MAGI2: variants seen among roughly 807,000 people sequenced by gnomAD.
The protein encoded by MAGI2 is membrane-associated guanylate kinase, WW and PDZ domain-containing protein 2.
Under a neutral mutation model 133.3 loss-of-function variants are expected in MAGI2, and 35 were observed. That is an observed-to-expected ratio of 0.26 (90% CI 0.20 to 0.35). The LOEUF (loss-of-function observed/expected upper bound fraction) is 0.35, where lower values mean the gene tolerates loss of function less well. Among genes scored for constraint, MAGI2 ranks in the 10% least tolerant of loss-of-function variants. The probability of loss-of-function intolerance (pLI) is 1.00; values close to 1 mark genes in which losing one functional copy is unlikely to be tolerated. For missense variants in MAGI2, 1,636 were observed against 1,863.4 expected (o/e 0.88, Z 2.25); for synonymous variants, 729 against 710.6 (o/e 1.03, Z -0.41).
intron 3 of MAGI2, among the ~76,000 whole-genome samples, chr7:78,563,203 G>A (rs890801926): frequency 1.3e-5 from 2 of 152,062 alleles, no homozygotes; most frequent in Admixed American, 6.5e-5. Context: ...CAAGATGACA[G>A]GGCACAACTG....
In MAGI2 at chr7:79,269,356, A is replaced by G. The variant is rs187239966; in HGVS notation, c.301+183664T>C. On this transcript the variant is annotated intron_variant, in intron 1 of 21. Coordinates refer to ENST00000354212, the MANE Select transcript of MAGI2 (RefSeq NM_012301.4). ...GAGTCTCATATAGCTGCTTATTTCT[A>G]TCATTTTGATGAAATATGGGTTGCT... Among the ~76,000 whole-genome samples the G allele has an allele frequency of 2.1e-3, 318 of 152,300 alleles. 1 individual carries two copies. The highest frequency in any genetic ancestry group is 2.7e-3 in the Non-Finnish European group (185 of 68,016).
chr7:78,672,322 CATCTT>C (rs1271199186), intron 2 of MAGI2, among the ~76,000 whole-genome samples: 1 of 152,142 alleles, frequency 6.6e-6, no homozygotes, highest in Non-Finnish European at 1.5e-5. Context: ...GTCCCCTCTT[CATCTT>C]ATATCATGAA....
At chr7:78,479,688 A>T (rs1406930019) in intron 6 of MAGI2, among the ~76,000 whole-genome samples, 1 of 151,982 alleles carries the variant, frequency 6.6e-6, no homozygotes, top group Admixed American at 6.6e-5. Context: ...CCATTTAAAA[A>T]TGGTCTGTAT....
intron 2 of MAGI2, among the ~76,000 whole-genome samples, chr7:78,690,492 G>A (rs563655353): frequency 6.6e-6 from 1 of 152,296 alleles, no homozygotes; most frequent in South Asian, 2.1e-4. Context: ...GAGAATGTGA[G>A]CCACTCACCA....
chr7:78,215,228 A>G lies in MAGI2; in HGVS notation c.2048-14035T>C, dbSNP rs78112273. ...CAGCTGGGGCTTAGTCTCATCGTGG[A>G]TCTTCTGAAAAACCACGAGAACATG... On this transcript the variant is annotated intron_variant, in intron 10 of 21. Transcript: ENST00000354212. Among the ~76,000 whole-genome samples, 1,224 of 152,160 alleles carry G rather than the reference A, an allele frequency of 8.0e-3. 20 individuals are homozygous for G. The highest frequency in any genetic ancestry group is 0.028 in the African/African-American group (1,149 of 41,518).
intron 6 of MAGI2, among the ~76,000 whole-genome samples, chr7:78,398,422 C>CAT (rs2151333750): frequency 6.6e-6 from 1 of 152,050 alleles, no homozygotes; most frequent in East Asian, 1.9e-4. Flanking sequence ...TCTTATTGGA[C>CAT]ATATATGGAA....
At chr7:78,988,680 T>C (rs1305588830) in intron 2 of MAGI2, among the ~76,000 whole-genome samples, 1 of 152,110 alleles carries the variant, frequency 6.6e-6, no homozygotes, top group African/African-American at 2.4e-5. Flanking sequence ...ATGGTGGTGC[T>C]GAAAGCACTC....
At chr7:78,399,750 A>G (rs1248382744) in intron 6 of MAGI2, among the ~76,000 whole-genome samples, 2 of 140,952 alleles carry the variant, frequency 1.4e-5, no homozygotes, top group Non-Finnish European at 3.0e-5. Flanking sequence ...GGTTGCAGTG[A>G]GCTGAGATTG....
At chr7:78,505,601 C>CAT (rs1795014514) in intron 4 of MAGI2, among the ~76,000 whole-genome samples, 1 of 152,192 alleles carries the variant, frequency 6.6e-6, no homozygotes, top group Non-Finnish European at 1.5e-5. Flanking sequence ...TTCAGTTATA[C>CAT]AATATTCAGT....
intron 21 of MAGI2, among the ~76,000 whole-genome samples, chr7:78,071,428 T>C (rs941966716): frequency 6.6e-6 from 1 of 152,166 alleles, no homozygotes; most frequent in Non-Finnish European, 1.5e-5. Flanking sequence ...TCCCAGCTAC[T>C]CAGGAGGCTG....
At chr7:78,100,276 G>A (rs754081839) in intron 20 of MAGI2, among the ~76,000 whole-genome samples, 102 of 152,144 alleles carry the variant, frequency 6.7e-4, no homozygotes, top group Non-Finnish European at 1.3e-3. Context: ...CCCACAAAAG[G>A]ATTTGAAGCA....
chr7:78,529,829 A>AT (rs1797310084), intron 3 of MAGI2, among the ~76,000 whole-genome samples: 1 of 150,318 alleles, frequency 6.7e-6, no homozygotes, highest in Non-Finnish European at 1.5e-5. Flanking sequence ...TCATCTTAAA[A>AT]TTTTCTAGTT....
chr7:79,368,029 G>A (rs569823109), intron 1 of MAGI2, among the ~76,000 whole-genome samples: 1 of 151,782 alleles, frequency 6.6e-6, no homozygotes, highest in African/African-American at 2.4e-5. Flanking sequence ...TGGCCACCAG[G>A]TTTGAGAGTA....
At chr7:78,571,441 A>G (rs1238920887) in intron 3 of MAGI2, among the ~76,000 whole-genome samples, 1 of 152,220 alleles carries the variant, frequency 6.6e-6, no homozygotes, top group East Asian at 1.9e-4. Context: ...TGACGGCTCA[A>G]AGATGCTTGA....
intron 21 of MAGI2, among the ~76,000 whole-genome samples, chr7:78,038,209 G>A (rs1810437901): frequency 6.6e-6 from 1 of 152,094 alleles, no homozygotes; most frequent in South Asian, 2.1e-4. Context: ...CACAGTGCTG[G>A]GCACATGTTA....
At chr7:78,561,869 G>T (rs1800444668) in intron 3 of MAGI2, among the ~76,000 whole-genome samples, 1 of 152,202 alleles carries the variant, frequency 6.6e-6, no homozygotes, top group African/African-American at 2.4e-5. Flanking sequence ...GTATAAGTGA[G>T]TTAGGAGGGA....
At chr7:78,567,262 C>T (rs969876395) in intron 3 of MAGI2, among the ~76,000 whole-genome samples, 1 of 152,136 alleles carries the variant, frequency 6.6e-6, no homozygotes, top group South Asian at 2.1e-4. Context: ...ACAAACCAGG[C>T]TCTTGAAAAA....
At chr7:79,220,457 C>T (rs954765183) in intron 1 of MAGI2, among the ~76,000 whole-genome samples, 7 of 151,920 alleles carry the variant, frequency 4.6e-5, no homozygotes, top group Non-Finnish European at 5.9e-5. Flanking sequence ...TTAATGACCC[C>T]AATACATACA....
At chr7:79,004,375 T>C (rs112475428) in intron 2 of MAGI2, among the ~76,000 whole-genome samples, 14 of 152,200 alleles carry the variant, frequency 9.2e-5, no homozygotes, top group African/African-American at 3.1e-4. Flanking sequence ...AAAAATAACA[T>C]GTTCTTACTC....
Sources: gnomAD v4.1 joint callset for allele counts (sites outside exome capture counted in the v4.1 genomes callset) on GRCh38, gnomAD v4.1.1 for gene constraint, MANE v1.5 for transcripts, NCBI Gene and HGNC (gene_info 2026-07-23, HGNC 2026-07-21) for gene names.